The following MVB12B variants were observed in gnomAD, a reference collection of about 807,000 sequenced individuals.
MVB12B encodes ESCRT-I complex subunit MVB12B.
In MVB12B, 16 loss-of-function variants were observed where a neutral mutation model predicts 41.6. That is an observed-to-expected ratio of 0.38 (90% CI 0.26 to 0.58). MVB12B has a LOEUF of 0.58. Among genes scored for constraint, MVB12B ranks in the 20% least tolerant of loss-of-function variants. MVB12B has a pLI of 0.62. For synonymous variants in MVB12B, 133 were observed against 139.7 expected, an observed-to-expected ratio of 0.95 and a Z score of 0.34; for missense variants, 274 against 380.2, an observed-to-expected ratio of 0.72 and a Z score of 2.32.
chr9:126,330,238 T>C (rs181895433), intron 1 of MVB12B, among the ~76,000 whole-genome samples: 18 of 151,896 alleles, frequency 1.2e-4, no homozygotes, highest in African/African-American at 4.4e-4. Context: ...ATACTTCCCT[T>C]AGGACTGGAG....
rs1489003932 is a variant in MVB12B, at chr9:126,503,898, C to G, written c.*635C>G. 6.6e-6 allele frequency: 1 copy of G among 152,450 alleles called. No individual in the cohort carries two copies. The allele number at this position is 152,450 out of a possible 1,614,324, so 9.4% of individuals were successfully genotyped here. On this transcript the variant is annotated 3_prime_UTR_variant, in exon 10 of 10. Transcript: ENST00000361171. ...TCGCCTGGAAGTCGGGGAGCAGCAC[C>G]CCTGCCCCCGGTGGAGGGGTTGTTG... is the stretch of plus-strand genomic sequence containing the variant.
chr9:126,458,135 T>C (rs1374594898), intron 7 of MVB12B, among the ~76,000 whole-genome samples: 3 of 152,274 alleles, frequency 2.0e-5, no homozygotes, highest in South Asian at 4.1e-4. Context: ...GTTTTTCCAC[T>C]GACCCAATAA....
chr9:126,357,865 G>T (rs1477662393), intron 2 of MVB12B, among the ~76,000 whole-genome samples: 3 of 151,840 alleles, frequency 2.0e-5, no homozygotes, highest in Non-Finnish European at 4.4e-5. Flanking sequence ...TATAGTTAGT[G>T]CTTTTTGTGT....
intron 7 of MVB12B, among the ~76,000 whole-genome samples, chr9:126,446,948 T>C (rs1191062049): frequency 2.0e-5 from 3 of 147,636 alleles, no homozygotes; most frequent in East Asian, 2.0e-4. Flanking sequence ...CTTTTTTTTT[T>C]TTTTTTTTTC....
chr9:126,381,309 A>G, intron 3 of MVB12B, 138 bp downstream of exon 3: 1 of 653,566 alleles, frequency 1.5e-6, no homozygotes. Context: ...TGAACTGGGT[A>G]GAATCAGCAG....
chr9:126,478,607 G>A lies in MVB12B; in HGVS notation c.758-2762G>A, dbSNP rs1588202300. 2.6e-5 allele frequency among the ~76,000 whole-genome samples: 4 copies of A among 152,130 alleles called. No homozygotes were observed. The South Asian group carries it at 6.2e-4, about 24-fold the overall frequency. On this transcript the variant is annotated intron_variant, in intron 7 of 9. Transcript: ENST00000361171. This position sits in a 1 kb window ranked among gnomAD's most constrained non-coding sequence, Gnocchi z 4.2. ...GAAGGGATGGGTAAGCCGGGAAGAG[G>A]GTCAGGTGCAAGGGGCCAGGGCCTT...
chr9:126,343,299 C>G (rs778600936), intron 2 of MVB12B, among the ~76,000 whole-genome samples: 1 of 152,162 alleles, frequency 6.6e-6, no homozygotes, highest in Non-Finnish European at 1.5e-5. Flanking sequence ...CCCTTGCAGT[C>G]AGAGTTGGGG....
intron 2 of MVB12B, among the ~76,000 whole-genome samples, chr9:126,355,118 G>A (rs1371428950): frequency 5.9e-5 from 9 of 152,160 alleles, no homozygotes; most frequent in Admixed American, 3.9e-4. Flanking sequence ...TAGAACGCTC[G>A]TTTCCTATCC....
intron 2 of MVB12B, among the ~76,000 whole-genome samples, chr9:126,348,478 G>A (rs550602048): frequency 6.6e-6 from 1 of 152,336 alleles, no homozygotes; most frequent in African/African-American, 2.4e-5. Context: ...TTGCAGAGGA[G>A]CTGGTCTTGT....
chr9:126,479,742 G>A lies in MVB12B; in HGVS notation c.758-1627G>A, dbSNP rs150036733. 3.6e-3 allele frequency among the ~76,000 whole-genome samples: 555 copies of A among 152,328 alleles called. 2 individuals are homozygous for A. The highest frequency in any genetic ancestry group is 0.013 in the African/African-American group (533 of 41,576). On this transcript the variant is annotated intron_variant, in intron 7 of 9. Transcript: ENST00000361171. Reference sequence around the variant, plus strand: ...CGGCCCTTCCAAGAGAGGAGGGCGCGGGGAATGCAGCGACTGCCGCCACCT... The same window carrying A: ...CGGCCCTTCCAAGAGAGGAGGGCGCAGGGAATGCAGCGACTGCCGCCACCT...
intron 9 of MVB12B, among the ~76,000 whole-genome samples, chr9:126,491,375 T>C (rs951913647): frequency 6.6e-6 from 1 of 152,176 alleles, no homozygotes; most frequent in Non-Finnish European, 1.5e-5. Flanking sequence ...CCCGCACAAT[T>C]GTTCATTCTT....
intron 7 of MVB12B, among the ~76,000 whole-genome samples, chr9:126,466,257 G>A (rs1330187477): frequency 3.3e-5 from 5 of 152,166 alleles, no homozygotes; most frequent in African/African-American, 4.8e-5. Context: ...GGGGATGCTC[G>A]TGTTTGCTCC....
At chr9:126,385,907 TAGAA>T (rs1244302824) in intron 3 of MVB12B, among the ~76,000 whole-genome samples, 12 of 152,158 alleles carry the variant, frequency 7.9e-5, no homozygotes, top group African/African-American at 2.9e-4. Context: ...TGTACTGTCT[TAGAA>T]AGATATTTGT....
At chr9:126,474,444 T>C (rs1833381751) in intron 7 of MVB12B, among the ~76,000 whole-genome samples, 2 of 152,260 alleles carry the variant, frequency 1.3e-5, no homozygotes, top group East Asian at 1.9e-4. Context: ...TTAAGAATTA[T>C]GTTTTGCAAA....
chr9:126,394,151 T>C (rs1831038685), intron 5 of MVB12B, among the ~76,000 whole-genome samples: 1 of 152,230 alleles, frequency 6.6e-6, no homozygotes, highest in African/African-American at 2.4e-5. Flanking sequence ...CGGTTTACAC[T>C]AATTATGTAA....
At chr9:126,475,726 A>T (rs1314122133) in intron 7 of MVB12B, among the ~76,000 whole-genome samples, 7 of 152,020 alleles carry the variant, frequency 4.6e-5, no homozygotes, top group Non-Finnish European at 8.8e-5. Flanking sequence ...AGTTTGTTAA[A>T]ATCTGTTTTC....
chr9:126,357,404 T>C (rs534885577), intron 2 of MVB12B, among the ~76,000 whole-genome samples: 1 of 152,332 alleles, frequency 6.6e-6, no homozygotes, highest in African/African-American at 2.4e-5. Context: ...TAGATGCATG[T>C]TTAACTTTAA....
chr9:126,501,239 G>A (rs1284424613), intron 9 of MVB12B, among the ~76,000 whole-genome samples: 2 of 152,228 alleles, frequency 1.3e-5, no homozygotes, highest in East Asian at 1.9e-4. Context: ...CTCAGTGATC[G>A]CTTGCTCAGT....
chr9:126,483,911 A>C (rs1833580140), intron 8 of MVB12B, 62 bp from the exon 9 acceptor site: 2 of 1,559,326 alleles, frequency 1.3e-6, no homozygotes, highest in Admixed American at 3.4e-5. Context: ...TCATGCATAA[A>C]AGTAAGTGTG....
Sources: allele counts gnomAD v4.1 joint callset (sites outside exome capture counted in the v4.1 genomes callset), GRCh38; gene constraint gnomAD v4.1.1; non-coding constraint Gnocchi (gnomAD v3.1); transcripts MANE v1.5; gene names NCBI Gene and HGNC (gene_info 2026-07-23, HGNC 2026-07-21).